Variants in DYM observed in about 807,000 individuals in gnomAD.
The protein encoded by DYM is dyggve-Melchior-Clausen syndrome protein.
Under a neutral mutation model 93.1 loss-of-function variants are expected in DYM, and 78 were observed. The observed-to-expected ratio is 0.84, with a 90% CI of 0.70 to 1.01. The LOEUF (loss-of-function observed/expected upper bound fraction) is 1.01, where lower values mean the gene tolerates loss of function less well. Ranked by LOEUF, DYM falls within the 50% of genes least tolerant of loss-of-function variation. The pLI is 0.00. For synonymous variants in DYM, 321 were observed against 319.7 expected, an observed-to-expected ratio of 1.00 and a Z score of -0.04; for missense variants, 789 against 845.0, an observed-to-expected ratio of 0.93 and a Z score of 0.82.
intron 8 of DYM, among the ~76,000 whole-genome samples, chr18:49,292,351 GACAGACACACAC>G (rs1372318078): frequency 0.098 from 10,441 of 106,586 alleles, 559 homozygotes; most frequent in Non-Finnish European, 0.13. Context: ...CAGACAGACA[GACAGACACACAC>G]ACACACACAC....
chr18:49,445,386 G>A (rs566122750), intron 1 of DYM, among the ~76,000 whole-genome samples: 2 of 152,124 alleles, frequency 1.3e-5, no homozygotes, highest in South Asian at 4.1e-4. Flanking sequence ...TCTTTTAACC[G>A]TTTCATATTG....
At chr18:49,175,340 C>G (rs888037268) in intron 14 of DYM, among the ~76,000 whole-genome samples, 2 of 152,138 alleles carry the variant, frequency 1.3e-5, no homozygotes, top group African/African-American at 2.4e-5. Context: ...CAGAAACAAG[C>G]AGTCTTAGTT....
intron 8 of DYM, among the ~76,000 whole-genome samples, chr18:49,300,556 G>A (rs1174686820): frequency 2.0e-5 from 3 of 151,786 alleles, no homozygotes; most frequent in Admixed American, 6.6e-5. Flanking sequence ...GTTGATGTTC[G>A]TGCCACTGCA....
chr18:49,344,975 G>A lies in DYM; in HGVS notation c.495-11122C>T, dbSNP rs531318218. ...TATAAAGGTAGGACCAAGAGTGCCA[G>A]GTTAGGGTAGAAGGTTAAGTAACAG... On this transcript the variant is annotated intron_variant, in intron 6 of 17. Coordinates refer to ENST00000675505, the MANE Select transcript of DYM (RefSeq NM_001353214.3). 4.2e-3 allele frequency among the ~76,000 whole-genome samples: 634 copies of A among 152,290 alleles called. 1 individual carries two copies. The highest frequency in any genetic ancestry group is 6.0e-3 in the Non-Finnish European group (410 of 68,014).
chr18:49,107,745 C>T lies in DYM; in HGVS notation c.1912-10230G>A, dbSNP rs565584776. On this transcript the variant is annotated intron_variant, in intron 16 of 17. Transcript: ENST00000675505. ...GGATATTGGTGAGCAGCAAATGTTG[C>T]TGCCTGATTGTTCCTCTAGAAGTTT... is the stretch of plus-strand genomic sequence containing the variant. Among the ~76,000 whole-genome samples the T allele has an allele frequency of 3.9e-5, 6 of 152,330 alleles. 1 individual carries two copies. The South Asian group carries it at 1.0e-3, about 26-fold the overall frequency.
At chr18:49,453,579 C>T (rs111788576) in intron 1 of DYM, among the ~76,000 whole-genome samples, 1,691 of 152,224 alleles carry the variant, frequency 0.011, 31 homozygotes, top group African/African-American at 0.039. Flanking sequence ...TAACACTCAC[C>T]GTGAGGGTCC....
chr18:49,052,062 C>T (rs1599371519), intron 17 of DYM, among the ~76,000 whole-genome samples: 2 of 152,350 alleles, frequency 1.3e-5, no homozygotes, highest in East Asian at 1.9e-4. Context: ...AGGGTAATCG[C>T]ACTCTGTTTG....
intron 15 of DYM, among the ~76,000 whole-genome samples, chr18:49,128,304 G>C (rs779520001): frequency 2.0e-5 from 3 of 152,182 alleles, no homozygotes; most frequent in African/African-American, 7.2e-5. Flanking sequence ...GTGCGTACCA[G>C]AGCTTGGTGT....
chr18:49,270,502 A>G (rs943009934), intron 11 of DYM, among the ~76,000 whole-genome samples: 3 of 152,198 alleles, frequency 2.0e-5, no homozygotes, highest in Non-Finnish European at 4.4e-5. Context: ...TCTAATGTAT[A>G]ATATGAGGAC....
intron 11 of DYM, among the ~76,000 whole-genome samples, chr18:49,270,634 T>C (rs756691704): frequency 1.3e-5 from 2 of 152,212 alleles, no homozygotes; most frequent in African/African-American, 2.4e-5. Flanking sequence ...TACCTGACTA[T>C]AGTAGCCATT....
chr18:49,180,356 T>C (rs2089808323), intron 14 of DYM, among the ~76,000 whole-genome samples: 1 of 152,122 alleles, frequency 6.6e-6, no homozygotes, highest in Non-Finnish European at 1.5e-5. Flanking sequence ...GTTGTTATTT[T>C]CATAAATGGG....
At chr18:49,163,051 G>A (rs1015939565) in intron 15 of DYM, among the ~76,000 whole-genome samples, 1 of 152,136 alleles carries the variant, frequency 6.6e-6, no homozygotes, top group African/African-American at 2.4e-5. Flanking sequence ...AGTTCAATAA[G>A]GAATCTTTGC....
intron 15 of DYM, among the ~76,000 whole-genome samples, chr18:49,155,618 T>C (rs1428555941): frequency 6.6e-6 from 1 of 152,236 alleles, no homozygotes; most frequent in African/African-American, 2.4e-5. Context: ...ACATTCCATA[T>C]ACATGAGATC....
intron 11 of DYM, among the ~76,000 whole-genome samples, chr18:49,259,608 A>G (rs1192251228): frequency 6.6e-6 from 1 of 152,204 alleles, no homozygotes; most frequent in Non-Finnish European, 1.5e-5. Flanking sequence ...GAAATAATAA[A>G]TTGTTAGGAA....
intron 13 of DYM, among the ~76,000 whole-genome samples, chr18:49,229,810 C>T (rs1043179033): frequency 2.0e-5 from 3 of 152,144 alleles, no homozygotes; most frequent in Non-Finnish European, 4.4e-5. Context: ...ACAAAATTCT[C>T]TACACAAATA....
rs141160892 is a variant in DYM at position 49,060,376 on chromosome 18, A to G, written c.2026-16172T>C. Among the ~76,000 whole-genome samples the G allele has an allele frequency of 9.9e-5, 15 of 151,904 alleles. No homozygotes were observed. In the East Asian group the frequency reaches 2.9e-3, roughly 30 times the overall value. ...TTCCCACCACACTTCCATTTCCTAC[A>G]GTGCTGGTGCGGATGCTTCCCTCCC... On this transcript the variant is annotated intron_variant, in intron 17 of 17. Transcript: ENST00000675505.
intron 10 of DYM, among the ~76,000 whole-genome samples, chr18:49,273,859 C>T (rs2094776964): frequency 1.3e-5 from 2 of 149,128 alleles, no homozygotes; most frequent in South Asian, 4.2e-4. Flanking sequence ...GCACATCTTA[C>T]CTATAGTACA....
At chr18:49,133,749 T>G (rs2083579526) in intron 15 of DYM, among the ~76,000 whole-genome samples, 1 of 152,234 alleles carries the variant, frequency 6.6e-6, no homozygotes. Context: ...AAAAGTTCTC[T>G]GCTTTTGAGG....
intron 13 of DYM, among the ~76,000 whole-genome samples, chr18:49,247,289 C>T (rs1177971571): frequency 6.6e-6 from 1 of 152,118 alleles, no homozygotes; most frequent in African/African-American, 2.4e-5. Context: ...ATTCTGGCTC[C>T]TACTACTGCT....
Sources: allele counts gnomAD v4.1 joint callset (sites outside exome capture counted in the v4.1 genomes callset), GRCh38; gene constraint gnomAD v4.1.1; transcripts MANE v1.5; gene names NCBI Gene and HGNC (gene_info 2026-07-23, HGNC 2026-07-21).